The following UCHL1 variants were observed in gnomAD, a reference collection of about 807,000 sequenced individuals.
UCHL1 encodes ubiquitin C-terminal hydrolase L1, also known as ubiquitin carboxyl-terminal hydrolase isozyme L1.
In UCHL1, 5 loss-of-function variants were observed where a neutral mutation model predicts 33.3. The ratio of observed to expected loss-of-function variants is 0.15; its 90% CI spans 0.08 to 0.32. The LOEUF (loss-of-function observed/expected upper bound fraction) is 0.32, where lower values mean the gene tolerates loss of function less well. UCHL1 is among the 10% of genes least tolerant of loss of function. The probability of loss-of-function intolerance (pLI) is 1.00; values close to 1 mark genes in which losing one functional copy is unlikely to be tolerated. For missense variants in UCHL1, 236 were observed against 280.0 expected (o/e 0.84, Z 1.12); for synonymous variants, 132 against 108.8 (o/e 1.21, Z -1.33).
chr4:41,257,151 T>C (rs776821031), intron 2 of UCHL1, 25 bp downstream of exon 2: 17 of 1,611,834 alleles, frequency 1.1e-5, no homozygotes, highest in Non-Finnish European at 1.4e-5. Flanking sequence ...GCGCCGTCTC[T>C]GGCCCCCTCC....
intron 8 of UCHL1, among the ~76,000 whole-genome samples, chr4:41,267,437 G>A (rs1376616278): frequency 1.3e-5 from 2 of 152,036 alleles, no homozygotes; most frequent in African/African-American, 2.4e-5. Flanking sequence ...TAGTAGAGAC[G>A]TGGTTTCACC....
At chr4:41,257,436 G>C in intron 2 of UCHL1, 173 bp from the exon 3 acceptor site, 1 of 1,014,146 alleles carries the variant, frequency 9.9e-7, no homozygotes, top group Non-Finnish European at 1.3e-6. Context: ...TGTGGGCCGC[G>C]CTTTGTGCTG....
chr4:41,263,576 C>A (rs1274650954), intron 7 of UCHL1, among the ~76,000 whole-genome samples: 3 of 152,202 alleles, frequency 2.0e-5, no homozygotes, highest in Admixed American at 6.5e-5. Flanking sequence ...AGAATCTGAA[C>A]ATGTTGGAAT....
intron 5 of UCHL1, 25 bp downstream of exon 5, chr4:41,261,825 C>T: frequency 6.2e-7 from 1 of 1,614,064 alleles, no homozygotes; most frequent in Middle Eastern, 1.6e-4. Flanking sequence ...AGAGCATGGC[C>T]TTTAAATAAC....
chr4:41,267,283 G>A lies in UCHL1; in HGVS notation c.586-704G>A, dbSNP rs1009144197. Among the ~76,000 whole-genome samples the A allele has an allele frequency of 5.3e-5, 8 of 151,272 alleles. No homozygotes were observed. In the East Asian group the frequency reaches 5.9e-4, roughly 11 times the overall value. ...TTCTGAGACGGAGTCTCGCTCTGTC[G>A]CCCAGGCTGGAGTGTAGTGGCGCGA... On this transcript the variant is annotated intron_variant, in intron 8 of 8. Coordinates refer to ENST00000284440, the MANE Select transcript of UCHL1 (RefSeq NM_004181.5).
chr4:41,267,206 A>G (rs1781167318), intron 8 of UCHL1, among the ~76,000 whole-genome samples: 1 of 149,890 alleles, frequency 6.7e-6, no homozygotes, highest in Admixed American at 6.8e-5. Context: ...GTCTGTACCT[A>G]GAATATCAGG....
At chr4:41,261,612 G>C in intron 4 of UCHL1, 103 bp from the exon 5 acceptor site, 3 of 1,261,330 alleles carry the variant, frequency 2.4e-6, no homozygotes, top group Non-Finnish European at 3.4e-6. Flanking sequence ...CAGTATTAAA[G>C]ATTCAGGTTG....
chr4:41,263,442 C>A (rs1781105206), intron 7 of UCHL1, 151 bp downstream of exon 7: 3 of 793,706 alleles, frequency 3.8e-6, no homozygotes, highest in South Asian at 3.0e-5. Flanking sequence ...GGCACTTAAC[C>A]CCTTATCATC....
At chr4:41,260,952 G>A (rs1781059971) in intron 4 of UCHL1, among the ~76,000 whole-genome samples, 155 bp downstream of exon 4, 1 of 152,160 alleles carries the variant, frequency 6.6e-6, no homozygotes, top group Non-Finnish European at 1.5e-5. Context: ...GTCCTCCTCA[G>A]AAAGGATTCC....
At chr4:41,265,319 C>T (rs1006239560) in intron 8 of UCHL1, among the ~76,000 whole-genome samples, 3 of 152,202 alleles carry the variant, frequency 2.0e-5, no homozygotes, top group East Asian at 3.8e-4. Context: ...TGGCTCATGC[C>T]TATAATCCCA....
intron 3 of UCHL1, among the ~76,000 whole-genome samples, chr4:41,258,547 G>C (rs565473218): frequency 6.6e-6 from 1 of 152,100 alleles, no homozygotes; most frequent in Non-Finnish European, 1.5e-5. Context: ...GTCTTGTGAT[G>C]TATGGAATCC....
Position 41,266,767 on chromosome 4 carries a change from ACAC to A in UCHL1, c.586-1214_586-1212del, listed in dbSNP as rs781516076. On this transcript the variant is annotated intron_variant, in intron 8 of 8. Transcript: ENST00000284440. ...TCTGAGTAGCCAGGACTAGAAGCGC[ACAC>A]CACCATGCCCAGCTAATTTTTAAAT... is the stretch of plus-strand genomic sequence containing the variant. Among the ~76,000 whole-genome samples the A allele has an allele frequency of 2.1e-4, 32 of 152,170 alleles. No homozygotes were observed. In the East Asian group the frequency reaches 4.3e-3, roughly 20 times the overall value.
At chr4:41,260,494 C>CG (rs1297240728) in intron 3 of UCHL1, 153 bp from the exon 4 acceptor site, 1 of 913,554 alleles carries the variant, frequency 1.1e-6, no homozygotes, top group Non-Finnish European at 1.7e-6. Flanking sequence ...GGCAGACAGA[C>CG]GGGCCCTTCT....
At chr4:41,267,117 T>C (rs925981231) in intron 8 of UCHL1, among the ~76,000 whole-genome samples, 3 of 152,250 alleles carry the variant, frequency 2.0e-5, no homozygotes, top group Non-Finnish European at 4.4e-5. Context: ...ATCAGTTTCC[T>C]GTTACCAGTC....
At chr4:41,260,534 G>T (rs966473675) in intron 3 of UCHL1, 113 bp from the exon 4 acceptor site, 1 of 1,321,918 alleles carries the variant, frequency 7.6e-7, no homozygotes, top group Non-Finnish European at 1.1e-6. Flanking sequence ...TAGAACCAGG[G>T]GTTCTGGTCA....
chr4:41,263,709 T>TAC lies in UCHL1; in HGVS notation c.527-392_527-391dup, dbSNP rs1337540500. Among the ~76,000 whole-genome samples the TAC allele has an allele frequency of 2.6e-5, 4 of 152,342 alleles. No individual in the cohort carries two copies. The South Asian group carries it at 6.2e-4, about 24-fold the overall frequency. Reference sequence around the variant, plus strand: ...CAAGCCAAGATACGACCTACAGGCTTACAAAGGCAAAGGAATAGTGAAGGC... The same window carrying TAC: ...CAAGCCAAGATACGACCTACAGGCTTACACAAAGGCAAAGGAATAGTGAAGGC... On this transcript the variant is annotated intron_variant, in intron 7 of 8. Transcript: ENST00000284440.
chr4:41,262,907 C>A (rs895705800), intron 6 of UCHL1, among the ~76,000 whole-genome samples: 17 of 152,156 alleles, frequency 1.1e-4, no homozygotes, highest in African/African-American at 4.1e-4. Flanking sequence ...CGTGCCTAGC[C>A]AGATCTCAGT....
chr4:41,268,272 T>A lies in UCHL1; in HGVS notation c.*199T>A. On this transcript the variant is annotated 3_prime_UTR_variant, in exon 9 of 9. Transcript: ENST00000284440. The stretch of plus-strand genomic sequence containing the variant: ...AGCTGTCCACTGGGCCATTGTGGTG[T>A]GAGCTTCAGATGGTGAAGCATTCTC... The A allele has an allele frequency of 1.6e-6, 1 of 621,464 alleles. No individual in the cohort carries two copies. The highest frequency in any genetic ancestry group is 2.9e-6 in the Non-Finnish European group (1 of 347,082). The allele number at this position is 621,464 out of a possible 1,614,324, so 38.5% of individuals were successfully genotyped here.
intron 4 of UCHL1, 134 bp downstream of exon 4, chr4:41,260,931 TCTGA>T: frequency 7.6e-7 from 1 of 1,309,172 alleles, no homozygotes; most frequent in Non-Finnish European, 1.1e-6. Context: ...AGACACTTAA[TCTGA>T]CTCACAGTCC....
Sources: gnomAD v4.1 joint callset for allele counts (sites outside exome capture counted in the v4.1 genomes callset) on GRCh38, gnomAD v4.1.1 for gene constraint, MANE v1.5 for transcripts, NCBI Gene and HGNC (gene_info 2026-07-23, HGNC 2026-07-21) for gene names.